ADGRL3: variants seen among roughly 807,000 people sequenced by gnomAD.
The protein encoded by ADGRL3 is calcium-independent alpha-latrotoxin receptor 3.
In ADGRL3, 62 loss-of-function variants were observed where a neutral mutation model predicts 153.5. The observed-to-expected ratio is 0.40, with a 90% CI of 0.33 to 0.50. The LOEUF is 0.50. Among genes scored for constraint, ADGRL3 ranks in the 20% least tolerant of loss-of-function variants. The probability of loss-of-function intolerance (pLI) is 0.47; values close to 1 mark genes in which losing one functional copy is unlikely to be tolerated. For missense variants in ADGRL3, 1,641 were observed against 1,859.4 expected (o/e 0.88, Z 2.16); for synonymous variants, 710 against 672.5 (o/e 1.06, Z -0.86).
chr4:61,959,965 G>C (rs189578761), intron 17 of ADGRL3, among the ~76,000 whole-genome samples: 1 of 152,130 alleles, frequency 6.6e-6, no homozygotes, highest in East Asian at 1.9e-4. Context: ...AGTATAAATA[G>C]TACTTTAACT....
intron 5 of ADGRL3, among the ~76,000 whole-genome samples, chr4:61,594,588 T>C (rs2098981634): frequency 1.3e-5 from 2 of 152,132 alleles, no homozygotes; most frequent in South Asian, 4.2e-4. Flanking sequence ...CAGAGACTTG[T>C]TTTTTCCCCT....
chr4:61,848,160 A>G (rs1284093457), intron 9 of ADGRL3, among the ~76,000 whole-genome samples: 1 of 132,056 alleles, frequency 7.6e-6, no homozygotes, highest in African/African-American at 2.9e-5. Context: ...AAATTTTATC[A>G]TATGAACTGG....
At chr4:61,895,053 T>G (rs1242067961) in intron 10 of ADGRL3, among the ~76,000 whole-genome samples, 2 of 151,956 alleles carry the variant, frequency 1.3e-5, no homozygotes, top group African/African-American at 2.4e-5. Context: ...TTCCACCTTG[T>G]TTTTTTTCTG....
intron 1 of ADGRL3, among the ~76,000 whole-genome samples, chr4:61,236,777 A>G (rs1325131729): frequency 6.6e-6 from 1 of 152,152 alleles, no homozygotes; most frequent in African/African-American, 2.4e-5. Flanking sequence ...TGAAGTTGTT[A>G]TTCATTTCTT....
At chr4:61,781,435 C>G (rs1337002159) in intron 8 of ADGRL3, among the ~76,000 whole-genome samples, 1 of 151,488 alleles carries the variant, frequency 6.6e-6, no homozygotes, top group African/African-American at 2.4e-5. Flanking sequence ...TGTATGTTAA[C>G]CTCTCTCTTC....
At chr4:61,876,924 A>AG (rs1466232695) in intron 9 of ADGRL3, among the ~76,000 whole-genome samples, 40 of 150,064 alleles carry the variant, frequency 2.7e-4, no homozygotes, top group African/African-American at 9.5e-4. Context: ...AAAAAAAAAA[A>AG]AAAGAAAGAA....
In ADGRL3 at chr4:61,497,456, C is replaced by G. The variant is rs570625987; in HGVS notation, c.55+108C>G. On this transcript the variant is annotated intron_variant, in intron 3 of 26. Transcript: ENST00000683033. Reference sequence around the variant, plus strand: ...AGACTGCTTTGTAGTTTTTCCTTATCATATGTTAGTATGAGTAAGTTAAAA... The same window carrying G: ...AGACTGCTTTGTAGTTTTTCCTTATGATATGTTAGTATGAGTAAGTTAAAA... The G allele has an allele frequency of 1.8e-4, 105 of 590,622 alleles. 1 individual carries two copies. The South Asian group carries it at 2.4e-3, about 13-fold the overall frequency. 36.6% of individuals were successfully genotyped at this position (590,622 alleles called of 1,614,324 possible).
intron 1 of ADGRL3, among the ~76,000 whole-genome samples, chr4:61,349,527 A>G (rs1028026557): frequency 6.6e-6 from 1 of 152,096 alleles, no homozygotes; most frequent in Non-Finnish European, 1.5e-5. Context: ...AAAGCTCACC[A>G]TAGTTTAAAA....
intron 25 of ADGRL3, among the ~76,000 whole-genome samples, chr4:62,049,497 T>A (rs1482300572): frequency 6.6e-6 from 1 of 152,206 alleles, no homozygotes; most frequent in African/African-American, 2.4e-5. Flanking sequence ...CACTTGTTTA[T>A]AAATGCTGAT....
At chr4:61,793,410 G>A (rs747286055) in intron 8 of ADGRL3, among the ~76,000 whole-genome samples, 1 of 152,070 alleles carries the variant, frequency 6.6e-6, no homozygotes, top group African/African-American at 2.4e-5. Context: ...GCGACAGAGC[G>A]AGACTCCATC....
intron 1 of ADGRL3, among the ~76,000 whole-genome samples, chr4:61,272,269 T>C (rs548691039): frequency 6.6e-6 from 1 of 152,078 alleles, no homozygotes; most frequent in Non-Finnish European, 1.5e-5. Flanking sequence ...TCAGTTTTTT[T>C]AATTTTAATG....
chr4:61,773,328 G>A (rs1293683955), intron 8 of ADGRL3, among the ~76,000 whole-genome samples: 1 of 152,130 alleles, frequency 6.6e-6, no homozygotes, highest in African/African-American at 2.4e-5. Context: ...ATGAAATAAT[G>A]AATAAGAATT....
intron 1 of ADGRL3, among the ~76,000 whole-genome samples, chr4:61,306,860 A>G (rs1437962871): frequency 6.6e-6 from 1 of 152,228 alleles, no homozygotes; most frequent in African/African-American, 2.4e-5. Context: ...ATTTTCTAGA[A>G]CTTTATATTA....
intron 9 of ADGRL3, among the ~76,000 whole-genome samples, chr4:61,818,526 A>G (rs947036603): frequency 7.2e-5 from 11 of 152,136 alleles, no homozygotes; most frequent in African/African-American, 2.4e-4. Context: ...CTGAAGGGGG[A>G]TGGTGCTAAA....
intron 13 of ADGRL3, among the ~76,000 whole-genome samples, chr4:61,921,365 C>G (rs1384074728): frequency 1.3e-5 from 2 of 152,010 alleles, no homozygotes; most frequent in Non-Finnish European, 1.5e-5. Flanking sequence ...TTCAACCCTG[C>G]CTCTCATTTC....
At chr4:61,672,088 T>C (rs1202359085) in intron 5 of ADGRL3, among the ~76,000 whole-genome samples, 1 of 152,162 alleles carries the variant, frequency 6.6e-6, no homozygotes, top group Non-Finnish European at 1.5e-5. Context: ...TTTTTGCTTT[T>C]TGACCTGTGC....
At chr4:61,318,211 A>C (rs1177763968) in intron 1 of ADGRL3, among the ~76,000 whole-genome samples, 18 of 42,648 alleles carry the variant, frequency 4.2e-4, no homozygotes, top group Non-Finnish European at 1.2e-3. Flanking sequence ...AAAAAAAAAA[A>C]AAACACAAAA....
intron 17 of ADGRL3, among the ~76,000 whole-genome samples, chr4:61,956,630 G>A (rs1315823101): frequency 6.6e-6 from 1 of 152,094 alleles, no homozygotes; most frequent in East Asian, 1.9e-4. Flanking sequence ...GTCCCAAACG[G>A]TATTGCCTAG....
chr4:61,673,938 T>C (rs2095094416), intron 5 of ADGRL3, among the ~76,000 whole-genome samples: 1 of 151,242 alleles, frequency 6.6e-6, no homozygotes. Context: ...ACATTTTTTG[T>C]TTTATATACC....
Sources: allele counts gnomAD v4.1 joint callset (sites outside exome capture counted in the v4.1 genomes callset), GRCh38; gene constraint gnomAD v4.1.1; transcripts MANE v1.5; gene names NCBI Gene and HGNC (gene_info 2026-07-23, HGNC 2026-07-21).